The following UNC5C variants were observed in gnomAD, a reference collection of about 807,000 sequenced individuals.
UNC5C encodes unc-5 netrin receptor C, also known as netrin receptor UNC5C.
Under a neutral mutation model 99.8 loss-of-function variants are expected in UNC5C, and 47 were observed. The observed-to-expected ratio is 0.47, with a 90% CI of 0.37 to 0.60. The LOEUF (loss-of-function observed/expected upper bound fraction) is 0.60, where lower values mean the gene tolerates loss of function less well. Among genes scored for constraint, UNC5C ranks in the 20% least tolerant of loss-of-function variants. The pLI, the probability that UNC5C is intolerant of heterozygous loss-of-function variation, is 0.00. For missense variants in UNC5C, 1,062 were observed against 1,165.9 expected, an observed-to-expected ratio of 0.91 and a Z score of 1.30; for synonymous variants, 487 against 452.2, an observed-to-expected ratio of 1.08 and a Z score of -0.98.
At chr4:95,529,819 C>T (rs1002390276) in intron 1 of UNC5C, among the ~76,000 whole-genome samples, 1 of 152,096 alleles carries the variant, frequency 6.6e-6, no homozygotes, top group African/African-American at 2.4e-5. Flanking sequence ...AAACTGTGTG[C>T]CTAATGTCAG....
intron 1 of UNC5C, among the ~76,000 whole-genome samples, chr4:95,545,088 T>C (rs1488348146): frequency 6.6e-6 from 1 of 152,344 alleles, no homozygotes; most frequent in East Asian, 1.9e-4. Context: ...GCCTTGTTCA[T>C]GTCCTTAGGG....
Position 95,168,634 on chromosome 4 carries a change from C to G in UNC5C, c.*600G>C, listed in dbSNP as rs1436483481. The G allele has an allele frequency of 1.3e-5, 2 of 152,604 alleles. No individual in the cohort carries two copies. The highest frequency in any genetic ancestry group is 1.5e-5 in the Non-Finnish European group (1 of 68,056). 9.5% of individuals were successfully genotyped at this position (152,604 alleles called of 1,614,324 possible). ...TTTTTTACACTTAGATTCTCCACTT[C>G]CCTGATACAAACAGTAACACTGGTT... is the stretch of plus-strand genomic sequence containing the variant. On this transcript the variant is annotated 3_prime_UTR_variant, in exon 16 of 16. Coordinates refer to ENST00000453304, the MANE Select transcript of UNC5C (RefSeq NM_003728.4).
At chr4:95,361,561 C>T (rs1051766957) in intron 1 of UNC5C, among the ~76,000 whole-genome samples, 1 of 152,122 alleles carries the variant, frequency 6.6e-6, no homozygotes, top group African/African-American at 2.4e-5. Context: ...GGCTGCAGAT[C>T]GAATGTCTGT....
intron 1 of UNC5C, among the ~76,000 whole-genome samples, chr4:95,381,467 C>T (rs1745069999): frequency 6.6e-6 from 1 of 152,144 alleles, no homozygotes; most frequent in East Asian, 1.9e-4. Flanking sequence ...TCTTTTCAAA[C>T]AAACATGCCT....
intron 1 of UNC5C, among the ~76,000 whole-genome samples, chr4:95,418,826 G>A (rs1746240901): frequency 6.6e-6 from 1 of 152,078 alleles, no homozygotes; most frequent in Non-Finnish European, 1.5e-5. Flanking sequence ...ACAATCAGGG[G>A]CCAATACCAA....
chr4:95,435,948 T>C (rs1240218097), intron 1 of UNC5C, among the ~76,000 whole-genome samples: 1 of 152,126 alleles, frequency 6.6e-6, no homozygotes, highest in Non-Finnish European at 1.5e-5. Context: ...TTATTTCCAA[T>C]TTTGCATAGT....
intron 1 of UNC5C, among the ~76,000 whole-genome samples, chr4:95,521,750 C>T (rs1337728835): frequency 6.6e-6 from 1 of 152,086 alleles, no homozygotes; most frequent in Non-Finnish European, 1.5e-5. Flanking sequence ...AAATACTTGC[C>T]AAAAATGTGG....
chr4:95,232,673 C>T (rs943935646), intron 7 of UNC5C, among the ~76,000 whole-genome samples: 1 of 152,084 alleles, frequency 6.6e-6, no homozygotes, highest in Non-Finnish European at 1.5e-5. Flanking sequence ...CGTAGGTGTT[C>T]ATTAGGCTTC....
chr4:95,521,407 G>A (rs6532562), intron 1 of UNC5C, among the ~76,000 whole-genome samples: 111,924 of 150,986 alleles, frequency 0.74, 44,896 homozygotes, highest in Non-Finnish European at 0.89. Flanking sequence ...TAGTAGAGAC[G>A]GGGTTTCACC....
At chr4:95,271,384 C>T (rs1172401312) in intron 4 of UNC5C, among the ~76,000 whole-genome samples, 4 of 149,604 alleles carry the variant, frequency 2.7e-5, no homozygotes, top group Admixed American at 2.0e-4. Flanking sequence ...CCCGCCACCA[C>T]GCCCGGCTAA....
chr4:95,547,924 T>C (rs1189547515), intron 1 of UNC5C, among the ~76,000 whole-genome samples: 2 of 152,230 alleles, frequency 1.3e-5, no homozygotes, highest in African/African-American at 4.8e-5. Context: ...CCCGGTCACT[T>C]ATGTTAAAGT....
chr4:95,231,215 T>C (rs1385419159), intron 7 of UNC5C, among the ~76,000 whole-genome samples: 1 of 152,180 alleles, frequency 6.6e-6, no homozygotes, highest in Non-Finnish European at 1.5e-5. Flanking sequence ...GGTAGAGTTT[T>C]AGGAGGTGTC....
At chr4:95,204,480 C>T (rs548280849) in intron 11 of UNC5C, among the ~76,000 whole-genome samples, 4 of 152,340 alleles carry the variant, frequency 2.6e-5, no homozygotes, top group South Asian at 2.1e-4. Flanking sequence ...TGCTGGGCTT[C>T]GGCCTACGGT....
chr4:95,329,924 G>A lies in UNC5C; in HGVS notation c.346+5486C>T, dbSNP rs540519330. On this transcript the variant is annotated intron_variant, in intron 2 of 15. Coordinates refer to ENST00000453304, the MANE Select transcript of UNC5C (RefSeq NM_003728.4). Reference sequence around the variant, plus strand: ...TACTAATGATGATGGTGATGGTGGCGATGATGATGATGATTTTAAGCCCCA... The same window carrying A: ...TACTAATGATGATGGTGATGGTGGCAATGATGATGATGATTTTAAGCCCCA... Among the ~76,000 whole-genome samples the A allele has an allele frequency of 1.6e-4, 24 of 152,134 alleles. 1 individual carries two copies. The East Asian group carries it at 3.9e-3, about 25-fold the overall frequency.
At chr4:95,308,225 G>T (rs762672784) in intron 2 of UNC5C, among the ~76,000 whole-genome samples, 24 of 152,012 alleles carry the variant, frequency 1.6e-4, no homozygotes, top group Non-Finnish European at 3.5e-4. Context: ...AAACAAAACG[G>T]TTAAAATTAA....
chr4:95,239,998 A>G (rs1739272869), intron 7 of UNC5C, among the ~76,000 whole-genome samples: 1 of 152,196 alleles, frequency 6.6e-6, no homozygotes, highest in South Asian at 2.1e-4. Flanking sequence ...TTTGTATACA[A>G]TTTTGAATAG....
At chr4:95,434,839 A>G (rs944003273) in intron 1 of UNC5C, among the ~76,000 whole-genome samples, 1 of 152,098 alleles carries the variant, frequency 6.6e-6, no homozygotes, top group African/African-American at 2.4e-5. Flanking sequence ...TAGCTCCAGA[A>G]TATGAAAGCA....
chr4:95,394,553 C>T (rs1191973541), intron 1 of UNC5C, among the ~76,000 whole-genome samples: 1 of 151,866 alleles, frequency 6.6e-6, no homozygotes, highest in Non-Finnish European at 1.5e-5. Flanking sequence ...TATTCAATTT[C>T]GTGACAAGTA....
At chr4:95,478,256 G>A (rs998152597) in intron 1 of UNC5C, among the ~76,000 whole-genome samples, 5 of 151,880 alleles carry the variant, frequency 3.3e-5, no homozygotes, top group Admixed American at 1.3e-4. Flanking sequence ...GCCAGTAAAG[G>A]CTGAACCTTC....
Sources: allele counts gnomAD v4.1 joint callset (sites outside exome capture counted in the v4.1 genomes callset), GRCh38; gene constraint gnomAD v4.1.1; transcripts MANE v1.5; gene names NCBI Gene and HGNC (gene_info 2026-07-23, HGNC 2026-07-21).